Variants in FHIT observed in about 807,000 individuals in gnomAD.
FHIT encodes bis(5'-adenosyl)-triphosphatase.
In FHIT, 19 loss-of-function variants were observed where a neutral mutation model predicts 17.9. That is an observed-to-expected ratio of 1.06 (90% CI 0.74 to 1.56). The LOEUF (loss-of-function observed/expected upper bound fraction) is 1.56, where lower values mean the gene tolerates loss of function less well. Ranked by LOEUF, FHIT falls within the 40% of genes most tolerant of loss-of-function variation. FHIT has a pLI of 0.00. For missense variants in FHIT, 248 were observed against 189.2 expected, an observed-to-expected ratio of 1.31 and a Z score of -1.82; for synonymous variants, 81 against 69.7, an observed-to-expected ratio of 1.16 and a Z score of -0.81.
Position 61,191,130 on chromosome 3 carries a change from G to T in FHIT, c.-164+9487C>A, listed in dbSNP as rs577803547. Among the ~76,000 whole-genome samples, 6 of 152,066 alleles carry T rather than the reference G, an allele frequency of 3.9e-5. No homozygotes were observed. The East Asian group carries it at 1.2e-3, about 29-fold the overall frequency. ...GAAATTTTCCTGTTTCACCTCACAG[G>T]TAAAGCCCTGTGCTGGTTAATTTTC... On this transcript the variant is annotated intron_variant, in intron 2 of 9. Transcript: ENST00000492590.
intron 2 of FHIT, among the ~76,000 whole-genome samples, chr3:61,160,650 T>C (rs1052107249): frequency 3.3e-5 from 5 of 152,176 alleles, no homozygotes; most frequent in Non-Finnish European, 7.4e-5. Context: ...CTGACTACCA[T>C]GGGGAACAGT....
intron 3 of FHIT, among the ~76,000 whole-genome samples, chr3:60,910,190 G>A (rs1472979036): frequency 6.6e-6 from 1 of 152,152 alleles, no homozygotes; most frequent in Non-Finnish European, 1.5e-5. Context: ...TCTGGGGGAA[G>A]TGTATGAATC....
rs554060477 is a variant in FHIT, at chr3:60,796,232, G to A, written c.-18+25687C>T. Among the ~76,000 whole-genome samples the A allele has an allele frequency of 1.9e-4, 29 of 152,242 alleles. No individual in the cohort carries two copies. In the South Asian group the frequency reaches 2.3e-3, roughly 12 times the overall value. On this transcript the variant is annotated intron_variant, in intron 4 of 9. Transcript: ENST00000492590. ...GCTGAGATTTTAATGGGGACACAGCGAAACCATATCACAAGGAGACAGTAT... is the reference window on the plus strand; with the variant it reads ...GCTGAGATTTTAATGGGGACACAGCAAAACCATATCACAAGGAGACAGTAT...
chr3:60,535,085 G>T (rs1386204847), intron 5 of FHIT, among the ~76,000 whole-genome samples: 1 of 152,160 alleles, frequency 6.6e-6, no homozygotes, highest in East Asian at 1.9e-4. Flanking sequence ...TTAGCTCAGT[G>T]TGGTAGTGCC....
rs1179740454 is a variant in FHIT, at chr3:60,655,398, T to C, written c.-17-118419A>G. Among the ~76,000 whole-genome samples, 6 of 152,324 alleles carry C rather than the reference T, an allele frequency of 3.9e-5. No homozygotes were observed. The East Asian group carries it at 1.2e-3, about 29-fold the overall frequency. On this transcript the variant is annotated intron_variant, in intron 4 of 9. Coordinates refer to ENST00000492590, the MANE Select transcript of FHIT (RefSeq NM_002012.4). ...TTTTACTAAAAACAACAACGCATAA[T>C]TGAGCCTGTATGAAATGCTGTCTTC...
chr3:60,037,125 A>G (rs1425385006), intron 5 of FHIT, among the ~76,000 whole-genome samples: 3 of 152,200 alleles, frequency 2.0e-5, no homozygotes, highest in Non-Finnish European at 4.4e-5. Context: ...AACAACCAAC[A>G]TTGAAGTTTT....
rs537675586 is a variant in FHIT, at chr3:61,092,796, T to C, written c.-163-50697A>G. ...GTTTTGGTAATTTTTTTGTGGATGA[T>C]GATGTTTTAGTGAGAAAGGATTGAC... On this transcript the variant is annotated intron_variant, in intron 2 of 9. Transcript: ENST00000492590. 9.2e-5 allele frequency among the ~76,000 whole-genome samples: 14 copies of C among 152,286 alleles called. No individual in the cohort carries two copies. In the South Asian group the frequency reaches 2.7e-3, roughly 29 times the overall value.
intron 3 of FHIT, among the ~76,000 whole-genome samples, chr3:60,897,696 G>C (rs1553762236): frequency 6.6e-6 from 1 of 152,090 alleles, no homozygotes; most frequent in African/African-American, 2.4e-5. Flanking sequence ...TATTTCTGCA[G>C]GCCCTTCATT....
intron 5 of FHIT, among the ~76,000 whole-genome samples, chr3:60,339,832 T>C (rs1050258390): frequency 6.6e-6 from 1 of 152,176 alleles, no homozygotes; most frequent in Non-Finnish European, 1.5e-5. Flanking sequence ...TGTTCTCACC[T>C]TGTTGCTATG....
chr3:60,443,374 G>C (rs966023394), intron 5 of FHIT, among the ~76,000 whole-genome samples: 1 of 152,096 alleles, frequency 6.6e-6, no homozygotes, highest in Admixed American at 6.6e-5. Flanking sequence ...AATGCTTCCA[G>C]TTTTTGCCCA....
intron 5 of FHIT, among the ~76,000 whole-genome samples, chr3:60,111,387 G>C (rs1704662992): frequency 6.6e-6 from 1 of 152,138 alleles, no homozygotes; most frequent in African/African-American, 2.4e-5. Context: ...CAAAGGTGCA[G>C]TTAAAGAATA....
chr3:60,231,806 T>A (rs1387196276), intron 5 of FHIT, among the ~76,000 whole-genome samples: 1 of 152,194 alleles, frequency 6.6e-6, no homozygotes, highest in African/African-American at 2.4e-5. Context: ...CATACTAATC[T>A]AGGTATTCCT....
At chr3:60,090,627 G>A (rs1379643322) in intron 5 of FHIT, among the ~76,000 whole-genome samples, 1 of 152,148 alleles carries the variant, frequency 6.6e-6, no homozygotes, top group African/African-American at 2.4e-5. Context: ...CGAAGTGAAG[G>A]TGACAACCCT....
chr3:59,989,383 G>T (rs1266139355), intron 7 of FHIT, among the ~76,000 whole-genome samples: 4 of 151,946 alleles, frequency 2.6e-5, no homozygotes, highest in African/African-American at 9.7e-5. Context: ...AGGGAACAAA[G>T]CAAGGCCCCA....
intron 5 of FHIT, among the ~76,000 whole-genome samples, chr3:60,339,151 T>C (rs1182140924): frequency 6.6e-6 from 1 of 152,204 alleles, no homozygotes; most frequent in African/African-American, 2.4e-5. Context: ...TATGTGTGTT[T>C]ATATATAAAA....
intron 2 of FHIT, among the ~76,000 whole-genome samples, chr3:61,198,796 A>G (rs2038927569): frequency 6.6e-6 from 1 of 152,156 alleles, no homozygotes; most frequent in East Asian, 1.9e-4. Context: ...CAACATGCTT[A>G]TTTTAGAAAT....
At chr3:61,060,960 C>A (rs2034407031) in intron 2 of FHIT, among the ~76,000 whole-genome samples, 1 of 152,308 alleles carries the variant, frequency 6.6e-6, no homozygotes, top group African/African-American at 2.4e-5. Flanking sequence ...TGCCTCACTC[C>A]TACTGATTCA....
intron 8 of FHIT, among the ~76,000 whole-genome samples, chr3:59,782,749 C>T (rs1490292583): frequency 2.6e-5 from 4 of 152,128 alleles, no homozygotes; most frequent in African/African-American, 9.7e-5. Flanking sequence ...CAAACAGACT[C>T]CAAGCTTGCA....
chr3:60,319,967 C>A lies in FHIT; in HGVS notation c.103+216893G>T, dbSNP rs76027415. On this transcript the variant is annotated intron_variant, in intron 5 of 9. Coordinates refer to ENST00000492590, the MANE Select transcript of FHIT (RefSeq NM_002012.4). The stretch of plus-strand genomic sequence containing the variant: ...AGAGGATGCACAATAGCAGCTCTCA[C>A]AAAACCGCAGTCACTGGGGGCTCTT... 2.9e-3 allele frequency among the ~76,000 whole-genome samples: 443 copies of A among 152,250 alleles called. 13 individuals are homozygous for A. In the East Asian group the frequency reaches 0.08, roughly 28 times the overall value.
Sources: gnomAD v4.1 joint callset for allele counts (sites outside exome capture counted in the v4.1 genomes callset) on GRCh38, gnomAD v4.1.1 for gene constraint, MANE v1.5 for transcripts, NCBI Gene and HGNC (gene_info 2026-07-23, HGNC 2026-07-21) for gene names.